NCAM1: variants seen among roughly 807,000 people sequenced by gnomAD.
NCAM1 encodes the protein antigen recognized by monoclonal antibody 5.1H11.
In NCAM1, 14 loss-of-function variants were observed where a neutral mutation model predicts 109.8. The ratio of observed to expected loss-of-function variants is 0.13; its 90% CI spans 0.08 to 0.20. The LOEUF is 0.20. Ranked by LOEUF, NCAM1 falls within the 10% of genes least tolerant of loss-of-function variation. The pLI, the probability that NCAM1 is intolerant of heterozygous loss-of-function variation, is 1.00. For synonymous variants in NCAM1, 418 were observed against 442.9 expected (o/e 0.94, Z 0.70); for missense variants, 774 against 1,109.9 (o/e 0.70, Z 4.30).
At chr11:113,000,867 A>C (rs1214374957) in intron 1 of NCAM1, among the ~76,000 whole-genome samples, 1 of 126,250 alleles carries the variant, frequency 7.9e-6, no homozygotes, top group Non-Finnish European at 1.7e-5. Flanking sequence ...ATATATATAT[A>C]TATACACATA....
intron 1 of NCAM1, among the ~76,000 whole-genome samples, chr11:113,160,046 G>A (rs879958460): frequency 2.6e-5 from 4 of 151,944 alleles, no homozygotes; most frequent in Admixed American, 6.5e-5. Context: ...CTGAAACTAG[G>A]TTTCACGTGT....
intron 1 of NCAM1, among the ~76,000 whole-genome samples, chr11:113,142,060 A>G (rs567397788): frequency 3.7e-4 from 56 of 152,308 alleles, no homozygotes; most frequent in African/African-American, 1.3e-3. Flanking sequence ...AGATTATCAT[A>G]AGACATACAG....
chr11:113,038,017 C>A (rs1952947372), intron 1 of NCAM1, among the ~76,000 whole-genome samples: 1 of 152,184 alleles, frequency 6.6e-6, no homozygotes, highest in Non-Finnish European at 1.5e-5. Context: ...GGGTGGGGAG[C>A]ACCACTACCA....
At chr11:113,172,012 G>A (rs1943010537) in intron 1 of NCAM1, among the ~76,000 whole-genome samples, 1 of 152,192 alleles carries the variant, frequency 6.6e-6, no homozygotes, top group Non-Finnish European at 1.5e-5. Context: ...CCAGAAACTA[G>A]AAGAGAAGCC....
intron 1 of NCAM1, among the ~76,000 whole-genome samples, chr11:113,100,729 G>T (rs918759722): frequency 3.9e-5 from 6 of 152,070 alleles, no homozygotes; most frequent in African/African-American, 7.2e-5. Flanking sequence ...TAGAAGATGT[G>T]GGGGGGTGGG....
chr11:113,125,149 CTT>C (rs1941125255), intron 1 of NCAM1, among the ~76,000 whole-genome samples: 1 of 152,124 alleles, frequency 6.6e-6, no homozygotes, highest in African/African-American at 2.4e-5. Flanking sequence ...TGGGTAGTAA[CTT>C]TTTGATATTG....
intron 1 of NCAM1, among the ~76,000 whole-genome samples, chr11:113,188,056 CT>C (rs1425758757): frequency 6.6e-6 from 1 of 152,166 alleles, no homozygotes; most frequent in Admixed American, 6.6e-5. Context: ...TTTGTTGCTA[CT>C]GTTGCTGCTG....
chr11:113,245,713 C>T lies in NCAM1; in HGVS notation c.1826-655C>T, dbSNP rs577463635. 1.4e-3 allele frequency among the ~76,000 whole-genome samples: 217 copies of T among 152,178 alleles called. 2 individuals carry two copies. The highest frequency in any genetic ancestry group is 1.9e-3 in the Non-Finnish European group (131 of 68,028). On this transcript the variant is annotated intron_variant, in intron 14 of 19. Transcript: ENST00000316851. ...AGCCACCATCTCTGGCATGCATCCA[C>T]CCAGCCTCATTCAGCCCATACTCCC... is the stretch of plus-strand genomic sequence containing the variant.
At chr11:113,143,851 G>A (rs1174886245) in intron 1 of NCAM1, among the ~76,000 whole-genome samples, 1 of 152,194 alleles carries the variant, frequency 6.6e-6, no homozygotes, top group Non-Finnish European at 1.5e-5. Flanking sequence ...GGCATTGTGT[G>A]TATTCGTTGC....
At chr11:112,997,992 C>T (rs782756200) in intron 1 of NCAM1, among the ~76,000 whole-genome samples, 2 of 151,982 alleles carry the variant, frequency 1.3e-5, no homozygotes, top group East Asian at 1.9e-4. Context: ...CCTGCATGTC[C>T]GAGGGAAGGA....
At position 112,979,786 on chromosome 11, in the gene NCAM1, C is replaced by G. The variant is rs141992916; in HGVS notation, c.52+18122C>G. On this transcript the variant is annotated intron_variant, in intron 1 of 19. Transcript: ENST00000316851. ...ATGGGCTCCCATAATTTTTGTTTAA[C>G]GGACATAATTTTTAGAATGTATACT... Among the ~76,000 whole-genome samples, 28 of 151,848 alleles carry G rather than the reference C, an allele frequency of 1.8e-4. No individual in the cohort carries two copies. In the East Asian group the frequency reaches 4.5e-3, roughly 24 times the overall value.
chr11:113,227,056 C>T lies in NCAM1; in HGVS notation c.1090-4589C>T, dbSNP rs553416919. ...AAGAGCAAACACATTCAAAAGCTAG[C>T]AGAAGGCAAGAAATAACTAAGATCA... is the stretch of plus-strand genomic sequence containing the variant. On this transcript the variant is annotated intron_variant, in intron 9 of 19. Transcript: ENST00000316851. Among the ~76,000 whole-genome samples, 1,512 of 152,168 alleles carry T rather than the reference C, an allele frequency of 9.9e-3. 19 individuals are homozygous for T. Among genetic ancestry groups the T allele is most frequent in the African/African-American group, 0.029 (1,186 of 41,498 alleles).
intron 1 of NCAM1, among the ~76,000 whole-genome samples, chr11:113,104,248 G>T (rs550393598): frequency 6.6e-6 from 1 of 151,052 alleles, no homozygotes; most frequent in Non-Finnish European, 1.5e-5. Context: ...CAGGGGAAGG[G>T]AACAGGCAAA....
At chr11:113,016,841 G>T (rs1418378247) in intron 1 of NCAM1, among the ~76,000 whole-genome samples, 1 of 152,326 alleles carries the variant, frequency 6.6e-6, no homozygotes, top group East Asian at 1.9e-4. Context: ...GGGGACATGT[G>T]TGAAAGCAGT....
intron 1 of NCAM1, among the ~76,000 whole-genome samples, chr11:113,039,907 A>G (rs1485556783): frequency 6.6e-6 from 1 of 152,214 alleles, no homozygotes; most frequent in Non-Finnish European, 1.5e-5. Context: ...TTGGGAGGCC[A>G]AGGCAGGCAG....
intron 17 of NCAM1, among the ~76,000 whole-genome samples, chr11:113,260,971 A>C (rs573411545): frequency 6.6e-6 from 1 of 152,336 alleles, no homozygotes; most frequent in East Asian, 1.9e-4. Flanking sequence ...GGAGATACAG[A>C]TCTGTCTCCA....
chr11:113,099,985 C>T (rs1939798398), intron 1 of NCAM1, among the ~76,000 whole-genome samples: 1 of 152,156 alleles, frequency 6.6e-6, no homozygotes, highest in African/African-American at 2.4e-5. Context: ...CGCTCCCAGC[C>T]CCAGGGCTTT....
intron 1 of NCAM1, among the ~76,000 whole-genome samples, chr11:113,118,392 C>G (rs1555095327): frequency 6.6e-6 from 1 of 151,804 alleles, no homozygotes. Context: ...GAAAAGGGCC[C>G]TGCCTTTATT....
At chr11:113,243,352 C>T (rs933155102) in intron 14 of NCAM1, among the ~76,000 whole-genome samples, 8 of 152,124 alleles carry the variant, frequency 5.3e-5, no homozygotes, top group Non-Finnish European at 1.0e-4. Context: ...GCTTTGTCTC[C>T]GCGTACGCAG....
Sources: gnomAD v4.1 joint callset for allele counts (sites outside exome capture counted in the v4.1 genomes callset) on GRCh38, gnomAD v4.1.1 for gene constraint, MANE v1.5 for transcripts, NCBI Gene and HGNC (gene_info 2026-07-23, HGNC 2026-07-21) for gene names.